The following ATG7 variants were observed in gnomAD, a reference collection of about 807,000 sequenced individuals.
The protein encoded by ATG7 is autophagy related 7.
In ATG7, 70 loss-of-function variants were observed where a neutral mutation model predicts 82.4. The ratio of observed to expected loss-of-function variants is 0.85; its 90% CI spans 0.70 to 1.04. The LOEUF is 1.04. ATG7 is among the 50% of genes least tolerant of loss of function. The pLI is 0.00. For missense variants in ATG7, 792 were observed against 864.3 expected (o/e 0.92, Z 1.05); for synonymous variants, 287 against 313.0 (o/e 0.92, Z 0.88).
intron 20 of ATG7, among the ~76,000 whole-genome samples, chr3:11,451,904 C>T (rs13089700): frequency 7.2e-6 from 1 of 138,434 alleles, no homozygotes; most frequent in Non-Finnish European, 1.6e-5. Context: ...CACACACAGA[C>T]ACACACACAC....
At chr3:11,413,426 T>C (rs2081092871) in intron 19 of ATG7, among the ~76,000 whole-genome samples, 1 of 152,136 alleles carries the variant, frequency 6.6e-6, no homozygotes, top group South Asian at 2.1e-4. Context: ...ATTGTGTGGC[T>C]TCCCCCCCGC....
chr3:11,300,552 A>G (rs1231433903), intron 5 of ATG7, among the ~76,000 whole-genome samples: 1 of 152,224 alleles, frequency 6.6e-6, no homozygotes, highest in Admixed American at 6.5e-5. Context: ...TTGAGATGAC[A>G]GTGTCTGCTA....
At chr3:11,484,861 A>G (rs2089446273) in intron 20 of ATG7, among the ~76,000 whole-genome samples, 1 of 152,136 alleles carries the variant, frequency 6.6e-6, no homozygotes, top group Admixed American at 6.5e-5. Context: ...TGTCCCTACA[A>G]AGGACATGAA....
intron 19 of ATG7, among the ~76,000 whole-genome samples, chr3:11,417,461 T>C (rs1265483031): frequency 6.6e-6 from 1 of 152,220 alleles, no homozygotes; most frequent in Non-Finnish European, 1.5e-5. Context: ...CTTTGAAGTC[T>C]GTTCTATCTG....
chr3:11,473,350 A>G (rs1300952551), intron 20 of ATG7, among the ~76,000 whole-genome samples: 1 of 152,202 alleles, frequency 6.6e-6, no homozygotes, highest in East Asian at 1.9e-4. Flanking sequence ...AAGTATACCA[A>G]CAGGACTTTC....
At chr3:11,334,880 C>T (rs557392186) in intron 11 of ATG7, among the ~76,000 whole-genome samples, 1 of 136,018 alleles carries the variant, frequency 7.4e-6, no homozygotes, top group Non-Finnish European at 1.6e-5. Context: ...TCGCTTGAAC[C>T]TGGGAGGTGG....
intron 1 of ATG7, among the ~76,000 whole-genome samples, 168 bp from the exon 2 acceptor site, chr3:11,280,826 G>A (rs1479986004): frequency 1.3e-5 from 2 of 152,192 alleles, no homozygotes; most frequent in Non-Finnish European, 2.9e-5. Context: ...AGTAAATGTT[G>A]ATAAATATTC....
At chr3:11,478,999 C>A (rs2442784) in intron 20 of ATG7, among the ~76,000 whole-genome samples, 1,989 of 9,944 alleles carry the variant, frequency 0.2, 30 homozygotes, top group South Asian at 0.38. Flanking sequence ...AACACACACA[C>A]ACACACACAC....
intron 20 of ATG7, chr3:11,446,692 G>C: frequency 4.1e-6 from 1 of 246,910 alleles, no homozygotes; most frequent in Non-Finnish European, 8.1e-6. Context: ...CTTCCTGTAA[G>C]ATGCTACCCC....
chr3:11,413,548 A>G (rs1000949222), intron 19 of ATG7, among the ~76,000 whole-genome samples: 1 of 152,192 alleles, frequency 6.6e-6, no homozygotes, highest in Non-Finnish European at 1.5e-5. Context: ...GATATAATCT[A>G]ATATGTAGAA....
downstream of ATG7, chr3:11,558,902 C>T (rs2072694239): frequency 1.3e-6 from 2 of 1,539,098 alleles, no homozygotes; most frequent in Non-Finnish European, 1.8e-6. Flanking sequence ...AGCACCCTCC[C>T]TCAGGCAGCC....
intron 10 of ATG7, among the ~76,000 whole-genome samples, chr3:11,331,775 C>T (rs1172426901): frequency 6.6e-6 from 1 of 152,144 alleles, no homozygotes; most frequent in Non-Finnish European, 1.5e-5. Context: ...CTCCATTTTT[C>T]TTAACCCTAA....
chr3:11,386,764 G>T (rs947439782), intron 19 of ATG7, among the ~76,000 whole-genome samples: 1 of 152,158 alleles, frequency 6.6e-6, no homozygotes, highest in African/African-American at 2.4e-5. Context: ...GATTCCATAT[G>T]TATGATTGTG....
At chr3:11,441,561 C>A (rs987138148) in intron 20 of ATG7, among the ~76,000 whole-genome samples, 1 of 151,342 alleles carries the variant, frequency 6.6e-6, no homozygotes, top group Non-Finnish European at 1.5e-5. Flanking sequence ...TTTTAAAGCA[C>A]CAGTTTGGAA....
chr3:11,569,254 C>T, the ATG7 span, among the ~76,000 whole-genome samples: 492 of 152,308 alleles, frequency 3.2e-3, 5 homozygotes, highest in African/African-American at 0.011. Flanking sequence ...CTTCATTCAC[C>T]GTGGACTGCC....
chr3:11,470,040 G>A (rs151299146), intron 20 of ATG7, among the ~76,000 whole-genome samples: 64 of 149,446 alleles, frequency 4.3e-4, no homozygotes, highest in African/African-American at 1.5e-3. Context: ...TGGGCTGTGC[G>A]TGCTTCAGCT....
chr3:11,497,306 G>C (rs1228174390), intron 20 of ATG7, among the ~76,000 whole-genome samples: 1 of 139,470 alleles, frequency 7.2e-6, no homozygotes, highest in African/African-American at 2.6e-5. Flanking sequence ...GAGGTCAGGA[G>C]TTTGAGGCCA....
At chr3:11,481,138 G>C (rs560977740) in intron 20 of ATG7, among the ~76,000 whole-genome samples, 1 of 152,332 alleles carries the variant, frequency 6.6e-6, no homozygotes, top group African/African-American at 2.4e-5. Context: ...GCTTTGTGCA[G>C]AGCACTGTGT....
intron 19 of ATG7, among the ~76,000 whole-genome samples, chr3:11,409,194 A>G (rs991358545): frequency 2.0e-5 from 3 of 152,232 alleles, no homozygotes; most frequent in Non-Finnish European, 4.4e-5. Context: ...TTGACTTATA[A>G]TAGTTTGACT....
Sources: allele counts gnomAD v4.1 joint callset (sites outside exome capture counted in the v4.1 genomes callset), GRCh38; gene constraint gnomAD v4.1.1; transcripts MANE v1.5; gene names NCBI Gene and HGNC (gene_info 2026-07-23, HGNC 2026-07-21).